The following AKAP13 variants were observed in gnomAD, a reference collection of about 807,000 sequenced individuals.
AKAP13 encodes the protein A-kinase anchor protein 13.
AKAP13 carries 80 observed loss-of-function variants against 264.5 expected under a neutral mutation model. The observed-to-expected ratio is 0.30, with a 90% confidence interval of 0.25 to 0.36. The LOEUF is 0.36. AKAP13 is among the 10% of genes least tolerant of loss of function. The pLI is 1.00. For missense variants in AKAP13, 3,712 were observed against 3,435.2 expected (o/e 1.08, Z -2.01); for synonymous variants, 1,380 against 1,250.2 (o/e 1.10, Z -2.19).
chr15:85,601,421 A>G (rs908481093), intron 8 of AKAP13, among the ~76,000 whole-genome samples: 1 of 152,174 alleles, frequency 6.6e-6, no homozygotes, highest in African/African-American at 2.4e-5. Context: ...TTTAGACCTA[A>G]TCTCACATAT....
chr15:85,737,869 C>G (rs928699032), intron 33 of AKAP13, among the ~76,000 whole-genome samples: 8 of 152,004 alleles, frequency 5.3e-5, no homozygotes, highest in African/African-American at 1.9e-4. Context: ...GAACTCCTGA[C>G]CTCAGGTGAT....
At chr15:85,728,423 A>G (rs1398402392) in intron 29 of AKAP13, among the ~76,000 whole-genome samples, 3 of 152,234 alleles carry the variant, frequency 2.0e-5, no homozygotes, top group Non-Finnish European at 4.4e-5. Flanking sequence ...TAGGATGACA[A>G]GGATAAAAAT....
At chr15:85,460,681 A>C (rs1305432852) in intron 1 of AKAP13, among the ~76,000 whole-genome samples, 1 of 152,246 alleles carries the variant, frequency 6.6e-6, no homozygotes, top group East Asian at 1.9e-4. Context: ...GGAATCTTTA[A>C]AAGCAGAGAA....
At chr15:85,739,653 C>G (rs2088811807) in intron 33 of AKAP13, among the ~76,000 whole-genome samples, 1 of 152,112 alleles carries the variant, frequency 6.6e-6, no homozygotes, top group African/African-American at 2.4e-5. Flanking sequence ...GATTAGAAAA[C>G]AGTTCTAGTT....
intron 1 of AKAP13, among the ~76,000 whole-genome samples, chr15:85,465,116 T>C (rs1302239284): frequency 2.0e-5 from 3 of 150,360 alleles, no homozygotes; most frequent in African/African-American, 7.4e-5. Context: ...AATTTTTTTT[T>C]TTTTTTGTAT....
chr15:85,469,024 C>T (rs1421148834), intron 1 of AKAP13, among the ~76,000 whole-genome samples: 1 of 136,202 alleles, frequency 7.3e-6, no homozygotes, highest in Non-Finnish European at 1.5e-5. Flanking sequence ...AAGCAATTCT[C>T]CTGCCTCGGC....
intron 16 of AKAP13, among the ~76,000 whole-genome samples, chr15:85,691,392 C>T (rs533853581): frequency 7.9e-5 from 12 of 152,234 alleles, no homozygotes; most frequent in African/African-American, 2.9e-4. Context: ...GGATGGTGTC[C>T]ACCTGAAATG....
intron 8 of AKAP13, among the ~76,000 whole-genome samples, chr15:85,591,402 G>A (rs898953546): frequency 1.3e-5 from 2 of 152,110 alleles, no homozygotes; most frequent in African/African-American, 4.8e-5. Context: ...AATAGTTGGA[G>A]AAACTCCTTT....
intron 8 of AKAP13, among the ~76,000 whole-genome samples, chr15:85,631,715 C>T (rs925600239): frequency 2.0e-5 from 3 of 152,046 alleles, no homozygotes; most frequent in East Asian, 1.9e-4. Flanking sequence ...AAGATGTTAA[C>T]GTTGGAGAAA....
At chr15:85,524,060 C>T (rs1321769868) in intron 3 of AKAP13, among the ~76,000 whole-genome samples, 3 of 152,226 alleles carry the variant, frequency 2.0e-5, no homozygotes, top group Non-Finnish European at 4.4e-5. Flanking sequence ...CTGTTTGTTG[C>T]AGCAGCTACT....
At chr15:85,478,847 A>G (rs4304978) in intron 1 of AKAP13, among the ~76,000 whole-genome samples, 36,414 of 151,730 alleles carry the variant, frequency 0.24, 5,127 homozygotes, top group South Asian at 0.4. Flanking sequence ...TCTTAACATC[A>G]TTTCCCGAAG....
At chr15:85,705,160 C>A (rs2086158129) in intron 17 of AKAP13, among the ~76,000 whole-genome samples, 1 of 152,138 alleles carries the variant, frequency 6.6e-6, no homozygotes, top group African/African-American at 2.4e-5. Context: ...TTTTTTTCTG[C>A]TTCTATGTTC....
intron 1 of AKAP13, among the ~76,000 whole-genome samples, chr15:85,484,246 C>G (rs931729474): frequency 1.3e-5 from 2 of 152,010 alleles, no homozygotes; most frequent in African/African-American, 4.8e-5. Context: ...TCCATGCTTG[C>G]TGTTTGAATC....
chr15:85,442,544 A>ATTATATAATAATATATATTATAT (rs571143933), intron 1 of AKAP13, among the ~76,000 whole-genome samples: 3 of 131,580 alleles, frequency 2.3e-5, no homozygotes, highest in African/African-American at 8.7e-5. Flanking sequence ...TATATATTAT[A>ATTATATAATAATATATATTATAT]TATATATTTA....
intron 1 of AKAP13, among the ~76,000 whole-genome samples, chr15:85,386,537 C>T (rs920781973): frequency 9.2e-5 from 14 of 152,152 alleles, no homozygotes; most frequent in African/African-American, 3.1e-4. Flanking sequence ...GAGCCACCCA[C>T]CGCAGCCTCC....
intron 1 of AKAP13, among the ~76,000 whole-genome samples, chr15:85,399,517 A>AAAAAAT (rs1596045167): frequency 7.9e-6 from 1 of 125,984 alleles, no homozygotes. Context: ...AAAAAAAAAA[A>AAAAAAT]AAAAATAAAA....
intron 13 of AKAP13, among the ~76,000 whole-genome samples, chr15:85,668,524 A>G (rs1250612829): frequency 6.6e-6 from 1 of 152,248 alleles, no homozygotes; most frequent in Non-Finnish European, 1.5e-5. Context: ...AGTTACCTTT[A>G]CGTTCATGTA....
chr15:85,639,505 GT>G, intron 9 of AKAP13, 56 bp downstream of exon 9: 1 of 1,281,072 alleles, frequency 7.8e-7, no homozygotes. Flanking sequence ...CTGGCAGATC[GT>G]TTTATTTGGA....
At position 85,512,335 on chromosome 15, in the gene AKAP13, G is replaced by A. The variant is rs537982208; in HGVS notation, c.34-9093G>A. ...GTTTGGGTTTGGGTTTACCGTGAGT[G>A]TAAGCAGACCTCTTGCTTCTCCTCC... On this transcript the variant is annotated intron_variant, in intron 2 of 36. Transcript: ENST00000394518. Among the ~76,000 whole-genome samples, 80 of 152,282 alleles carry A rather than the reference G, an allele frequency of 5.3e-4. 2 individuals carry two copies. The highest frequency in any genetic ancestry group is 4.4e-4 in the Non-Finnish European group (30 of 68,036).
Sources: gnomAD v4.1 joint callset for allele counts (sites outside exome capture counted in the v4.1 genomes callset) on GRCh38, gnomAD v4.1.1 for gene constraint, MANE v1.5 for transcripts, NCBI Gene and HGNC (gene_info 2026-07-23, HGNC 2026-07-21) for gene names.